CLTCL1: variants seen among roughly 807,000 people sequenced by gnomAD.
CLTCL1 encodes clathrin heavy chain 2.
A neutral mutation model predicts 190.0 loss-of-function variants in CLTCL1; 159 were observed. That is an observed-to-expected ratio of 0.84 (90% CI 0.74 to 0.95). The LOEUF (loss-of-function observed/expected upper bound fraction) is 0.95. CLTCL1 is among the 40% of genes least tolerant of loss of function. The pLI is 0.00. For missense variants in CLTCL1, 1,878 were observed against 2,033.4 expected, an observed-to-expected ratio of 0.92 and a Z score of 1.47; for synonymous variants, 752 against 769.6, an observed-to-expected ratio of 0.98 and a Z score of 0.38.
intron 9 of CLTCL1, chr22:19,232,836 G>T: frequency 1.6e-6 from 1 of 611,492 alleles, no homozygotes; most frequent in Non-Finnish European, 2.7e-6. Flanking sequence ...TTCCTGATCT[G>T]TGTGCAAACA....
intron 27 of CLTCL1, 85 bp from the exon 28 acceptor site, chr22:19,188,176 C>A: frequency 1.6e-6 from 2 of 1,219,668 alleles, no homozygotes; most frequent in African/African-American, 1.5e-5. Context: ...CACGTGCGTG[C>A]CATCCACTTG....
At position 19,191,407 on chromosome 22, in the gene CLTCL1, G is replaced by A. The variant is rs1555932009; in HGVS notation, c.4220C>T (p.Ala1407Val). The A allele has an allele frequency of 1.2e-6, 2 of 1,613,936 alleles. No individual in the cohort carries two copies. Among genetic ancestry groups the A allele is most frequent in the Non-Finnish European group, 1.7e-6 (2 of 1,179,868 alleles). Residue 1407 changes from alanine (A) to valine (V), a missense_variant, in exon 27 of 33, where the codon GCC becomes GTC. Transcript: ENST00000427926. ...KVANVELCYR[A>V]LQFYLDYKPL... ...TTTGTAATCCAAATAGAACTGCAGG[G>A]CTCTGTAACAGAGCTCGACGTTGGC...
intron 27 of CLTCL1, 32 bp from the exon 28 acceptor site, chr22:19,188,123 G>A: frequency 6.2e-7 from 1 of 1,600,766 alleles, no homozygotes; most frequent in East Asian, 2.2e-5. Flanking sequence ...CAAGGCACTT[G>A]GCCAAGCTTG....
At chr22:19,290,178 G>A (rs2088057815) in intron 1 of CLTCL1, among the ~76,000 whole-genome samples, 1 of 152,180 alleles carries the variant, frequency 6.6e-6, no homozygotes, top group Admixed American at 6.5e-5. Context: ...CTTGCCCTTT[G>A]AAAAGAACAT....
intron 30 of CLTCL1, 50 bp from the exon 31 acceptor site, chr22:19,180,856 G>A (rs782611589): frequency 4.5e-6 from 7 of 1,546,296 alleles, no homozygotes; most frequent in Non-Finnish European, 2.7e-6. Context: ...AGTGCAGTCC[G>A]GCCTCTAGGT....
At chr22:19,258,761 C>T in intron 2 of CLTCL1, 1 of 692,840 alleles carries the variant, frequency 1.4e-6, no homozygotes, top group South Asian at 1.4e-5. Context: ...TAGTGGACGG[C>T]AAAGTGGTGT....
intron 27 of CLTCL1, among the ~76,000 whole-genome samples, chr22:19,189,602 A>G (rs1395594263): frequency 3.3e-5 from 5 of 152,188 alleles, no homozygotes; most frequent in African/African-American, 4.8e-5. Context: ...TTCAGGCTCC[A>G]CTTCTAATTC....
intron 26 of CLTCL1, among the ~76,000 whole-genome samples, chr22:19,195,490 C>T (rs1555934908): frequency 1.3e-5 from 2 of 152,156 alleles, no homozygotes; most frequent in East Asian, 1.9e-4. Flanking sequence ...GGTGCATGAG[C>T]GAGGCCACAG....
At chr22:19,267,429 G>A (rs2087154699) in intron 2 of CLTCL1, among the ~76,000 whole-genome samples, 1 of 152,140 alleles carries the variant, frequency 6.6e-6, no homozygotes, top group Admixed American at 6.5e-5. Context: ...GCCCCAGAAG[G>A]ATTTTTGTAG....
At chr22:19,180,630 ATT>A in intron 31 of CLTCL1, 99 bp downstream of exon 31, 15 of 1,160,858 alleles carry the variant, frequency 1.3e-5, no homozygotes, top group Non-Finnish European at 1.9e-5. Context: ...CCACCCATCT[ATT>A]CCCATCCCCA....
rs2086019218 is a variant in CLTCL1, at chr22:19,234,582, A to G, written c.1094T>C (p.Val365Ala). Residue 365 changes from valine to alanine, a missense_variant, in exon 7 of 33, where the codon GTG becomes GCG. By Grantham distance (64) the Val-to-Ala change is moderately conservative. Transcript: ENST00000427926. The stretch of plus-strand genomic sequence containing the variant: ...TGCAAAGAGGGTATTGAATTTTCTC[A>G]CAAACAACTTCTCTGCCCCAGCCAG... ...SNLAGAEKLF[V>A]RKFNTLFAQG... The G allele has an allele frequency of 3.1e-6, 5 of 1,613,860 alleles. No homozygotes were observed. The African/African-American group carries it at 6.7e-5, about 22-fold the overall frequency.
Position 19,226,036 on chromosome 22 carries a change from G to C in CLTCL1, c.1947+183C>G, listed in dbSNP as rs376046051. On this transcript the variant is annotated intron_variant, in intron 12 of 32. Coordinates refer to ENST00000427926, the MANE Select transcript of CLTCL1 (RefSeq NM_007098.4). ...TGCTACAGGGCCCAGACATGCTGCTGAGCAGATAAACTTTGTGCGTGGGCT... is the reference window on the plus strand; with the variant it reads ...TGCTACAGGGCCCAGACATGCTGCTCAGCAGATAAACTTTGTGCGTGGGCT... 4.6e-5 allele frequency among the ~76,000 whole-genome samples: 7 copies of C among 152,356 alleles called. No individual in the cohort carries two copies. The East Asian group carries it at 1.3e-3, about 29-fold the overall frequency.
chr22:19,286,233 T>C (rs1555990061), intron 1 of CLTCL1, among the ~76,000 whole-genome samples: 1 of 152,186 alleles, frequency 6.6e-6, no homozygotes, highest in African/African-American at 2.4e-5. Flanking sequence ...TCATTTACTC[T>C]TTGGTCACCC....
In CLTCL1 at chr22:19,180,729, AC is replaced by A; in HGVS notation, c.4903+1del. 1.2e-6 allele frequency: 2 copies of A among 1,613,634 alleles called. No homozygotes were observed. The highest frequency in any genetic ancestry group is 1.7e-6 in the Non-Finnish European group (2 of 1,179,724). ...GGGTTGGGGGCTACAGGTGCCACCT[AC>A]CAAACACGAGAGGGGCAGGCTCTGT... On this transcript the variant is annotated splice_donor_variant, in intron 31 of 32. Coordinates refer to ENST00000427926, the MANE Select transcript of CLTCL1 (RefSeq NM_007098.4). LOFTEE classifies it high-confidence loss of function.
At chr22:19,273,814 G>C (rs1334049616) in intron 2 of CLTCL1, among the ~76,000 whole-genome samples, 1 of 151,878 alleles carries the variant, frequency 6.6e-6, no homozygotes, top group Non-Finnish European at 1.5e-5. Flanking sequence ...TCCAACCAAA[G>C]CCCAAATCCT....
chr22:19,248,658 G>A (rs564143404), intron 3 of CLTCL1, among the ~76,000 whole-genome samples: 10 of 152,300 alleles, frequency 6.6e-5, no homozygotes, highest in African/African-American at 2.2e-4. Flanking sequence ...GAATCATATA[G>A]TATGTGGTCT....
rs1555925146 is a variant in CLTCL1, at chr22:19,180,205, C to A, written c.*14G>T. 3 of 1,613,484 alleles carry A rather than the reference C, an allele frequency of 1.9e-6. No homozygotes were observed. The African/African-American group carries it at 4.0e-5, about 22-fold the overall frequency. ...CTCCAAATGGGACACTTACTTAGTG[C>A]AATCAGCTGGGTCTCATTCATGCCC... On this transcript the variant is annotated 3_prime_UTR_variant, in exon 32 of 33. Coordinates refer to ENST00000427926, the MANE Select transcript of CLTCL1 (RefSeq NM_007098.4).
intron 5 of CLTCL1, among the ~76,000 whole-genome samples, chr22:19,236,406 GCATGCCTTCTAC>G (rs2086082750): frequency 6.6e-6 from 1 of 152,132 alleles, no homozygotes. Context: ...TGATGTTCCA[GCATGCCTTCTAC>G]CACCACTTAT....
chr22:19,257,794 TG>T, intron 2 of CLTCL1: 1 of 1,426,614 alleles, frequency 7.0e-7, no homozygotes. Context: ...AACGACCACC[TG>T]GCCTCCTACC....
Sources: gnomAD v4.1 joint callset for allele counts (sites outside exome capture counted in the v4.1 genomes callset) on GRCh38, gnomAD v4.1.1 for gene constraint, MANE v1.5 for transcripts, NCBI Gene and HGNC (gene_info 2026-07-23, HGNC 2026-07-21) for gene names.